Variants in ZNF280D observed in about 807,000 individuals in gnomAD.
ZNF280D encodes the protein zinc finger protein 280D, also known as suppressor of hairy wing homolog 4.
Under a neutral mutation model 94.7 loss-of-function variants are expected in ZNF280D, and 39 were observed. The ratio of observed to expected loss-of-function variants is 0.41; its 90% CI spans 0.32 to 0.54. The LOEUF (loss-of-function observed/expected upper bound fraction) is 0.54. ZNF280D is among the 20% of genes least tolerant of loss of function. ZNF280D has a pLI of 0.22. For missense variants in ZNF280D, 1,090 were observed against 1,149.3 expected, an observed-to-expected ratio of 0.95 and a Z score of 0.75; for synonymous variants, 398 against 377.6, an observed-to-expected ratio of 1.05 and a Z score of -0.63.
At chr15:56,635,302 T>C (rs2052298973) in intron 20 of ZNF280D, 52 bp from the exon 21 acceptor site, 1 of 1,018,220 alleles carries the variant, frequency 9.8e-7, no homozygotes, top group Non-Finnish European at 1.4e-6. Context: ...ATCTTAAAAC[T>C]ATTTTTATTA....
At chr15:56,669,996 A>T (rs1596439630) in intron 13 of ZNF280D, among the ~76,000 whole-genome samples, 1 of 1,520 alleles carries the variant, frequency 6.6e-4, no homozygotes, top group Admixed American at 0.026. Flanking sequence ...ATATATATAT[A>T]TTATATATAT....
chr15:56,646,929 T>A (rs960005142), intron 19 of ZNF280D, among the ~76,000 whole-genome samples: 1 of 151,862 alleles, frequency 6.6e-6, no homozygotes, highest in African/African-American at 2.4e-5. Flanking sequence ...AGAGAAAGTA[T>A]GAAAAAGCAA....
At chr15:56,635,133 G>A in intron 21 of ZNF280D, 62 bp downstream of exon 21, 1 of 1,004,894 alleles carries the variant, frequency 1.0e-6, no homozygotes, top group East Asian at 2.9e-5. Context: ...GTGAAATAAT[G>A]CAGCTCAAGT....
intron 1 of ZNF280D, among the ~76,000 whole-genome samples, chr15:56,709,573 G>T (rs548490086): frequency 9.9e-5 from 15 of 152,124 alleles, no homozygotes; most frequent in African/African-American, 3.6e-4. Context: ...TGTTTATTGC[G>T]GCACTATTCA....
chr15:56,649,236 C>A (rs2053072175), intron 19 of ZNF280D, among the ~76,000 whole-genome samples: 1 of 151,858 alleles, frequency 6.6e-6, no homozygotes, highest in Middle Eastern at 3.2e-3. Context: ...AAGCAACAAC[C>A]CTCAGGAACC....
chr15:56,631,914 T>A lies in ZNF280D; in HGVS notation c.2524A>T (p.Ile842Leu). 6.2e-7 allele frequency: 1 copy of A among 1,613,840 alleles called. No homozygotes were observed. Among genetic ancestry groups the A allele is most frequent in the Non-Finnish European group, 8.5e-7 (1 of 1,180,004 alleles). Reference protein sequence around the residue: ...GADKVEKKKQIQHVCQEMELK... With the variant: ...GADKVEKKKQLQHVCQEMELK... ...TCCATTTCCTGACAAACGTGTTGTA[T>A]TTGTTTTTTCTTTTCCACTTTATCT... Residue 842 changes from isoleucine to leucine, a missense_variant, in exon 22 of 22, where the codon ATA becomes TTA. Around this residue, in one of 3 missense-constraint regions of ZNF280D, gnomAD observed 577 missense variants for 568.8 expected, o/e 1.01. Coordinates refer to ENST00000267807, the MANE Select transcript of ZNF280D (RefSeq NM_017661.4).
intron 1 of ZNF280D, among the ~76,000 whole-genome samples, chr15:56,717,672 A>G (rs948040019): frequency 6.6e-6 from 1 of 152,270 alleles, no homozygotes; most frequent in Non-Finnish European, 1.5e-5. Context: ...AAAAACTCCT[A>G]TGAGGTAGAC....
intron 15 of ZNF280D, 22 bp from the exon 16 acceptor site, chr15:56,666,557 T>C (rs372487831): frequency 4.5e-6 from 7 of 1,560,090 alleles, no homozygotes; most frequent in African/African-American, 4.2e-5. Context: ...ATTAAAAAAA[T>C]GATAAAAATA....
At chr15:56,727,270 G>C (rs993733493) in intron 1 of ZNF280D, among the ~76,000 whole-genome samples, 3 of 152,002 alleles carry the variant, frequency 2.0e-5, no homozygotes, top group Non-Finnish European at 4.4e-5. Context: ...GACCAGCCTG[G>C]CCAACATGGC....
intron 10 of ZNF280D, 57 bp from the exon 11 acceptor site, chr15:56,678,878 T>A (rs1317823390): frequency 6.4e-6 from 9 of 1,413,310 alleles, no homozygotes; most frequent in Non-Finnish European, 8.4e-6. Context: ...AAAGGAAATC[T>A]CACAAACAAG....
At chr15:56,637,715 TA>T in intron 20 of ZNF280D, among the ~76,000 whole-genome samples, 2 of 152,084 alleles carry the variant, frequency 1.3e-5, no homozygotes, top group Non-Finnish European at 2.9e-5. Context: ...ACTCTTGGCA[TA>T]AAAACAGAAG....
chr15:56,669,106 T>C, intron 13 of ZNF280D, 149 bp from the exon 14 acceptor site: 2 of 706,510 alleles, frequency 2.8e-6, no homozygotes, highest in Non-Finnish European at 4.5e-6. Flanking sequence ...ATAAAATGCC[T>C]CATTTTTTAA....
At chr15:56,729,332 G>A (rs1367900665) in intron 1 of ZNF280D, among the ~76,000 whole-genome samples, 2 of 152,190 alleles carry the variant, frequency 1.3e-5, no homozygotes, top group Non-Finnish European at 1.5e-5. Flanking sequence ...AGTTGGCACT[G>A]TTAGGAAGAA....
chr15:56,632,233 C>G, intron 21 of ZNF280D, 111 bp from the exon 22 acceptor site: 1 of 1,070,416 alleles, frequency 9.3e-7, no homozygotes, highest in Non-Finnish European at 1.3e-6. Flanking sequence ...ATTTGCCCAC[C>G]AAAAAGGAAA....
intron 7 of ZNF280D, among the ~76,000 whole-genome samples, chr15:56,690,874 CACTCTCTAGTTATGTTAATGTT>C (rs1269282580): frequency 1.3e-5 from 2 of 152,116 alleles, no homozygotes; most frequent in Non-Finnish European, 2.9e-5. Context: ...CACACCTTGT[CACTCTCTAGTTATGTTAATGTT>C]ACTCTCTAGT....
chr15:56,689,927 C>T (rs1254850668), intron 7 of ZNF280D, among the ~76,000 whole-genome samples: 1 of 152,100 alleles, frequency 6.6e-6, no homozygotes, highest in African/African-American at 2.4e-5. Flanking sequence ...TTCAATTTAA[C>T]AACTTAAAAT....
At chr15:56,635,034 T>C (rs2052280854) in intron 21 of ZNF280D, 161 bp downstream of exon 21, 1 of 364,768 alleles carries the variant, frequency 2.7e-6, no homozygotes, top group Non-Finnish European at 4.9e-6. Context: ...TTTTCTTGGA[T>C]TAAAGTTTTT....
At chr15:56,696,865 G>A (rs1332557652) in intron 6 of ZNF280D, among the ~76,000 whole-genome samples, 2 of 152,076 alleles carry the variant, frequency 1.3e-5, no homozygotes, top group Admixed American at 1.3e-4. Context: ...CCCAAGTACT[G>A]GGAACCATCA....
intron 6 of ZNF280D, chr15:56,697,631 G>A (rs1282104532): frequency 3.3e-5 from 5 of 152,100 alleles, no homozygotes; most frequent in Non-Finnish European, 7.4e-5. Flanking sequence ...TGAGACAGTG[G>A]TGCCCTAACT....
Sources: allele counts gnomAD v4.1 joint callset (sites outside exome capture counted in the v4.1 genomes callset), GRCh38; gene constraint gnomAD v4.1.1; regional missense constraint gnomAD v4.1.1; transcripts MANE v1.5; gene names NCBI Gene and HGNC (gene_info 2026-07-23, HGNC 2026-07-21).